RBMS3: variants seen among roughly 807,000 people sequenced by gnomAD.
RBMS3 encodes the protein RNA binding motif single stranded interacting protein 3.
A neutral mutation model predicts 66.8 loss-of-function variants in RBMS3; 27 were observed. That is an observed-to-expected ratio of 0.40 (90% CI 0.30 to 0.56). The LOEUF is 0.56. Ranked by LOEUF, RBMS3 falls within the 20% of genes least tolerant of loss-of-function variation. The pLI is 0.40. For synonymous variants in RBMS3, 188 were observed against 183.0 expected (o/e 1.03, Z -0.22); for missense variants, 513 against 549.5 (o/e 0.93, Z 0.66).
At chr3:30,001,276 A>G (rs1253276341) in intron 14 of RBMS3, among the ~76,000 whole-genome samples, 1 of 152,070 alleles carries the variant, frequency 6.6e-6, no homozygotes, top group African/African-American at 2.4e-5. Context: ...ATAGCATTAC[A>G]TGAAGCTAGT....
chr3:29,588,926 C>A, intron 4 of RBMS3, among the ~76,000 whole-genome samples: 1 of 151,976 alleles, frequency 6.6e-6, no homozygotes, highest in South Asian at 2.1e-4. Flanking sequence ...TAGAAAAATG[C>A]TTAACGAAAA....
At chr3:29,390,597 A>T (rs1575688119) in intron 1 of RBMS3, among the ~76,000 whole-genome samples, 1 of 152,192 alleles carries the variant, frequency 6.6e-6, no homozygotes, top group Non-Finnish European at 1.5e-5. Context: ...TATGAAATAT[A>T]ATATATACAA....
intron 1 of RBMS3, among the ~76,000 whole-genome samples, chr3:29,332,594 G>A (rs757100506): frequency 1.3e-5 from 2 of 152,124 alleles, no homozygotes; most frequent in Non-Finnish European, 2.9e-5. Flanking sequence ...CCTCAATGTG[G>A]TGTCAATGCC....
At chr3:29,406,074 C>T (rs1299771213) in intron 1 of RBMS3, among the ~76,000 whole-genome samples, 2 of 152,124 alleles carry the variant, frequency 1.3e-5, no homozygotes, top group East Asian at 1.9e-4. Context: ...GTTTAACAAA[C>T]CTTAAAGTTA....
chr3:29,434,665 T>C (rs977868371), intron 1 of RBMS3, 78 bp from the exon 2 acceptor site: 8 of 1,543,492 alleles, frequency 5.2e-6, no homozygotes, highest in African/African-American at 4.1e-5. Flanking sequence ...ATAGCTTACA[T>C]TGATTTCAAG....
chr3:29,976,721 A>G (rs1295562094), intron 12 of RBMS3, among the ~76,000 whole-genome samples: 1 of 152,102 alleles, frequency 6.6e-6, no homozygotes, highest in Non-Finnish European at 1.5e-5. Flanking sequence ...CTTGAGGCAG[A>G]TATTACTAAT....
chr3:29,372,466 T>C lies in RBMS3; in HGVS notation c.76-62277T>C, dbSNP rs113244658. Among the ~76,000 whole-genome samples the C allele has an allele frequency of 4.4e-3, 668 of 152,298 alleles. 3 individuals carry two copies. The highest frequency in any genetic ancestry group is 0.015 in the African/African-American group (640 of 41,558). ...TTTCCCCTTCTGATAAACAGGATGTTACCTAGTAAATAATAAAACAGAAAT... is the reference window on the plus strand; with the variant it reads ...TTTCCCCTTCTGATAAACAGGATGTCACCTAGTAAATAATAAAACAGAAAT... On this transcript the variant is annotated intron_variant, in intron 1 of 14. Coordinates refer to ENST00000383767, the MANE Select transcript of RBMS3 (RefSeq NM_001003793.3).
At chr3:29,971,618 G>A (rs1020015498) in intron 12 of RBMS3, among the ~76,000 whole-genome samples, 1 of 151,878 alleles carries the variant, frequency 6.6e-6, no homozygotes, top group Non-Finnish European at 1.5e-5. Flanking sequence ...TTTACCCAGA[G>A]TGCTTAATTA....
rs565852750 is a variant in RBMS3 at position 29,500,813 on chromosome 3, T to C, written c.307+12314T>C. 7.2e-5 allele frequency among the ~76,000 whole-genome samples: 11 copies of C among 151,938 alleles called. No homozygotes were observed. In the South Asian group the frequency reaches 2.3e-3, roughly 32 times the overall value. On this transcript the variant is annotated intron_variant, in intron 3 of 14. Coordinates refer to ENST00000383767, the MANE Select transcript of RBMS3 (RefSeq NM_001003793.3). ...TTGTTAAGTGATGCATGACTGTATA[T>C]AATTACATGTGTATGTCAGTACATC... is the stretch of plus-strand genomic sequence containing the variant.
At chr3:29,534,170 T>C (rs1303360908) in intron 3 of RBMS3, among the ~76,000 whole-genome samples, 1 of 152,234 alleles carries the variant, frequency 6.6e-6, no homozygotes, top group Non-Finnish European at 1.5e-5. Flanking sequence ...TTCTGAAGGA[T>C]ATAGTCTTCT....
intron 10 of RBMS3, among the ~76,000 whole-genome samples, chr3:29,921,126 G>A (rs1252918227): frequency 6.6e-6 from 1 of 152,046 alleles, no homozygotes; most frequent in African/African-American, 2.4e-5. Flanking sequence ...GCAGTGGCGT[G>A]ATCTCAGCTC....
chr3:29,829,369 T>C lies in RBMS3; in HGVS notation c.638-39489T>C, dbSNP rs2058302045. ...AACAAGTGAGTTTCTTAGTCTACAA[T>C]GTTCACTTGGAATTTCTTTACTCAT... On this transcript the variant is annotated intron_variant, in intron 6 of 14. Coordinates refer to ENST00000383767, the MANE Select transcript of RBMS3 (RefSeq NM_001003793.3). Among the ~76,000 whole-genome samples, 3 of 152,256 alleles carry C rather than the reference T, an allele frequency of 2.0e-5. No homozygotes were observed. In the South Asian group the frequency reaches 6.2e-4, roughly 32 times the overall value.
chr3:29,898,508 A>G (rs959837245), intron 9 of RBMS3, among the ~76,000 whole-genome samples: 3 of 151,622 alleles, frequency 2.0e-5, no homozygotes, highest in Non-Finnish European at 4.4e-5. Context: ...ACTTAAGACT[A>G]TGTGCACTTT....
intron 1 of RBMS3, among the ~76,000 whole-genome samples, chr3:29,384,241 G>A (rs1415603703): frequency 6.6e-6 from 1 of 152,000 alleles, no homozygotes; most frequent in East Asian, 1.9e-4. Context: ...TCTTGAACCC[G>A]GGAGGTTGAG....
At position 29,851,973 on chromosome 3, in the gene RBMS3, A is replaced by C. The variant is rs142981198; in HGVS notation, c.638-16885A>C. On this transcript the variant is annotated intron_variant, in intron 6 of 14. Coordinates refer to ENST00000383767, the MANE Select transcript of RBMS3 (RefSeq NM_001003793.3). ...ACCAAAACAGCATGGTACTGGTACA[A>C]AAACAGACACATAGGCCAATGGGAC... Among the ~76,000 whole-genome samples, 372 of 152,372 alleles carry C rather than the reference A, an allele frequency of 2.4e-3. 2 individuals are homozygous for C. The highest frequency in any genetic ancestry group is 7.3e-3 in the African/African-American group (302 of 41,586).
chr3:29,885,104 T>C (rs1577068128), intron 8 of RBMS3, among the ~76,000 whole-genome samples: 1 of 152,012 alleles, frequency 6.6e-6, no homozygotes, highest in South Asian at 2.1e-4. Context: ...CAGGCAGTCA[T>C]ATAGTCAGTC....
chr3:29,873,000 C>T lies in RBMS3; in HGVS notation c.744+4036C>T, dbSNP rs772022425. The stretch of plus-strand genomic sequence containing the variant: ...CATGCTCTTTTGGTTACTATAGCCC[C>T]GTGGTATAGTTTGAAGTCAGGTAAC... On this transcript the variant is annotated intron_variant, in intron 7 of 14. Transcript: ENST00000383767. Among the ~76,000 whole-genome samples, 3 of 152,004 alleles carry T rather than the reference C, an allele frequency of 2.0e-5. No individual in the cohort carries two copies. The South Asian group carries it at 6.2e-4, about 31-fold the overall frequency.
chr3:29,500,071 T>C (rs1279937608), intron 3 of RBMS3, among the ~76,000 whole-genome samples: 1 of 151,920 alleles, frequency 6.6e-6, no homozygotes, highest in Non-Finnish European at 1.5e-5. Flanking sequence ...ATTTTCTTTT[T>C]TTTTTTTTGT....
rs1049296888 is a variant in RBMS3, at chr3:29,374,533, A to T, written c.76-60210A>T. 5.3e-5 allele frequency among the ~76,000 whole-genome samples: 8 copies of T among 152,320 alleles called. 1 individual carries two copies. The highest frequency in any genetic ancestry group is 1.4e-4 in the African/African-American group (6 of 41,578). On this transcript the variant is annotated intron_variant, in intron 1 of 14. Coordinates refer to ENST00000383767, the MANE Select transcript of RBMS3 (RefSeq NM_001003793.3). ...TTCACTTTCAGTACAGTAGTCAATA[A>T]ATTACCTAAGATATTCAAGACTTTA...
Sources: gnomAD v4.1 joint callset for allele counts (sites outside exome capture counted in the v4.1 genomes callset) on GRCh38, gnomAD v4.1.1 for gene constraint, MANE v1.5 for transcripts, NCBI Gene and HGNC (gene_info 2026-07-23, HGNC 2026-07-21) for gene names.